ACIN1: variants seen among roughly 807,000 people sequenced by gnomAD.
ACIN1 encodes the protein apoptotic chromatin condensation inducer in the nucleus.
Under a neutral mutation model 146.6 loss-of-function variants are expected in ACIN1, and 16 were observed. That is an observed-to-expected ratio of 0.11 (90% CI 0.07 to 0.17). The LOEUF (loss-of-function observed/expected upper bound fraction) is 0.17. Among genes scored for constraint, ACIN1 ranks in the 10% least tolerant of loss-of-function variants. The pLI, the probability that ACIN1 is intolerant of heterozygous loss-of-function variation, is 1.00. For synonymous variants in ACIN1, 569 were observed against 582.7 expected, an observed-to-expected ratio of 0.98 and a Z score of 0.34; for missense variants, 1,357 against 1,609.3, an observed-to-expected ratio of 0.84 and a Z score of 2.68.
intron 14 of ACIN1, 50 bp from the exon 15 acceptor site, chr14:23,062,573 C>G: frequency 6.6e-7 from 1 of 1,516,922 alleles, no homozygotes; most frequent in Non-Finnish European, 9.2e-7. Flanking sequence ...AAGACCACCA[C>G]CCAATCTTTA....
At chr14:23,094,342 G>A (rs941370768) in intron 1 of ACIN1, among the ~76,000 whole-genome samples, 3 of 151,714 alleles carry the variant, frequency 2.0e-5, no homozygotes, top group Non-Finnish European at 2.9e-5. Context: ...TACTCAAACC[G>A]ATTCAAAATC....
At position 23,063,850 on chromosome 14, in the gene ACIN1, A is replaced by ACT. The variant is rs548858230; in HGVS notation, c.2595+253_2595+254dup. ...CCACATAGTTTGTTGCAACTACTCA[A>ACT]CTCTGGTGATGTTGTAGTGAACAAA... On this transcript the variant is annotated intron_variant, in intron 12 of 18. Transcript: ENST00000605057. Among the ~76,000 whole-genome samples the ACT allele has an allele frequency of 2.1e-4, 32 of 152,304 alleles. No homozygotes were observed. The East Asian group carries it at 4.6e-3, about 22-fold the overall frequency.
intron 8 of ACIN1, among the ~76,000 whole-genome samples, chr14:23,069,904 A>G (rs2047577791): frequency 6.6e-6 from 1 of 152,170 alleles, no homozygotes; most frequent in African/African-American, 2.4e-5. Context: ...ATTCTCAGGT[A>G]ATAACTCACC....
chr14:23,064,903 A>AAAAAAG (rs1402340261), intron 10 of ACIN1, among the ~76,000 whole-genome samples: 2 of 151,860 alleles, frequency 1.3e-5, no homozygotes, highest in Non-Finnish European at 2.9e-5. Context: ...TCTCAAAAAA[A>AAAAAAG]AAAAAAGAAA....
At chr14:23,088,077 C>T (rs952289610) in intron 4 of ACIN1, among the ~76,000 whole-genome samples, 2 of 152,220 alleles carry the variant, frequency 1.3e-5, no homozygotes, top group African/African-American at 2.4e-5. Flanking sequence ...TAATTGTTCT[C>T]TCTTCCTAAC....
At position 23,064,398 on chromosome 14, in the gene ACIN1, G is replaced by A. The variant is rs746362549; in HGVS notation, c.2399C>T (p.Thr800Ile). 6.2e-7 allele frequency: 1 copy of A among 1,614,132 alleles called. No homozygotes were observed. The highest frequency in any genetic ancestry group is 1.1e-5 in the South Asian group (1 of 91,092). The change falls in exon 11 of 19, where the codon ACA becomes ATA. Residue 800 changes from threonine (T) to isoleucine (I), a missense_variant. Around this residue, in one of 4 missense-constraint regions of ACIN1, gnomAD observed 509 missense variants for 719.6 expected, o/e 0.71. Coordinates refer to ENST00000605057, the MANE Select transcript of ACIN1 (RefSeq NM_001386863.1). Reference sequence around the variant, plus strand: ...GATACTGATGGAAGGTTTCTTCTGTGTGGTGGCTGTGCTGGCTCCCCAGCG... The same window carrying A: ...GATACTGATGGAAGGTTTCTTCTGTATGGTGGCTGTGCTGGCTCCCCAGCG... ...KRRWGASTAT[T>I]QKKPSISITT... is the part of the protein sequence containing the mutation.
intron 4 of ACIN1, 95 bp from the exon 5 acceptor site, chr14:23,081,931 G>A (rs1276416531): frequency 4.4e-6 from 4 of 904,492 alleles, no homozygotes; most frequent in Non-Finnish European, 6.8e-6. Context: ...ACCAATTATA[G>A]CATATGAGCC....
intron 8 of ACIN1, chr14:23,077,665 T>C (rs982370664): frequency 6.5e-6 from 1 of 152,990 alleles, no homozygotes; most frequent in African/African-American, 2.4e-5. Context: ...CTGTATGCTG[T>C]AAGAACTAGG....
chr14:23,066,205 T>C, intron 9 of ACIN1, 197 bp from the exon 10 acceptor site: 1 of 535,224 alleles, frequency 1.9e-6, no homozygotes, highest in Non-Finnish European at 3.3e-6. Context: ...GCAGAATCAA[T>C]GCAAGTTAGA....
At chr14:23,069,652 G>GGGGGGGGGGGGGCGGC in intron 8 of ACIN1, 35 bp from the exon 9 acceptor site, 5 of 577,966 alleles carry the variant, frequency 8.7e-6, no homozygotes, top group South Asian at 1.5e-5. Flanking sequence ...GGGGGGGCGG[G>GGGGGGGGGGGGGCGGC]CAGAAAAGAA....
chr14:23,077,958 G>A (rs1344797292), intron 8 of ACIN1, 193 bp downstream of exon 8: 7 of 435,758 alleles, frequency 1.6e-5, no homozygotes, highest in Middle Eastern at 5.6e-4. Flanking sequence ...GTGCCCTGAC[G>A]ACCACTTTTC....
In ACIN1 at chr14:23,058,847, C is replaced by CA. The variant is rs1566727366; in HGVS notation, c.*300dup. The CA allele has an allele frequency of 1.4e-5, 6 of 440,582 alleles. No homozygotes were observed. The East Asian group carries it at 1.5e-4, about 11-fold the overall frequency. 27.3% of individuals were successfully genotyped at this position (440,582 alleles called of 1,614,324 possible). Reference sequence around the variant, plus strand: ...GTGGTAAGCAGGATGGAGGAAAAATCAGAGGACTGGGGCACCTGGCTGTTC... The same window carrying CA: ...GTGGTAAGCAGGATGGAGGAAAAATCAAGAGGACTGGGGCACCTGGCTGTTC... On this transcript the variant is annotated 3_prime_UTR_variant, in exon 19 of 19. Transcript: ENST00000605057.
At chr14:23,095,243 C>T (rs374971157), upstream of ACIN1, 2 of 1,608,956 alleles carry the variant, frequency 1.2e-6, no homozygotes, top group South Asian at 1.1e-5. Flanking sequence ...ACTCAGAACT[C>T]CCCGGGTTCC....
intron 8 of ACIN1, chr14:23,071,522 G>A: frequency 6.4e-7 from 1 of 1,551,488 alleles, no homozygotes; most frequent in Non-Finnish European, 8.7e-7. Context: ...TGGCGGAGCG[G>A]CAGCGATCAG....
At chr14:23,095,319 A>C (rs760769388), upstream of ACIN1, 13 of 1,565,832 alleles carry the variant, frequency 8.3e-6, no homozygotes, top group African/African-American at 8.1e-5. Flanking sequence ...TCCGCCCTGC[A>C]GCGCCCCTTT....
At chr14:23,076,324 C>T (rs1278385165) in intron 8 of ACIN1, 1 of 152,170 alleles carries the variant, frequency 6.6e-6, no homozygotes, top group African/African-American at 2.4e-5. Flanking sequence ...CTGCATTTCC[C>T]TTCTATACAC....
At chr14:23,085,874 G>A (rs980636234) in intron 4 of ACIN1, among the ~76,000 whole-genome samples, 1 of 152,156 alleles carries the variant, frequency 6.6e-6, no homozygotes, top group Non-Finnish European at 1.5e-5. Flanking sequence ...TTCAGGATTC[G>A]AAAAACAAGT....
In ACIN1 at chr14:23,090,117, C is replaced by G; in HGVS notation, c.317-16G>C. 6.2e-7 allele frequency: 1 copy of G among 1,611,138 alleles called. No individual in the cohort carries two copies. Among genetic ancestry groups the G allele is most frequent in the Middle Eastern group, 1.7e-4 (1 of 6,038 alleles). ...GCTGAAGCTTCTGCAAAGTACAGAT[C>G]GGGTCGGGGCAGGGAGGGAGTGAAG... On this transcript the variant is annotated splice_polypyrimidine_tract_variant and intron_variant, in intron 3 of 18. Coordinates refer to ENST00000605057, the MANE Select transcript of ACIN1 (RefSeq NM_001386863.1).
At chr14:23,059,548 G>A in intron 18 of ACIN1, 74 bp from the exon 19 acceptor site, 1 of 1,206,794 alleles carries the variant, frequency 8.3e-7, no homozygotes, top group Non-Finnish European at 1.2e-6. Flanking sequence ...CCTGGACCCT[G>A]CCTCCTAGCT....
Sources: allele counts gnomAD v4.1 joint callset (sites outside exome capture counted in the v4.1 genomes callset), GRCh38; gene constraint gnomAD v4.1.1; regional missense constraint gnomAD v4.1.1; transcripts MANE v1.5; gene names NCBI Gene and HGNC (gene_info 2026-07-23, HGNC 2026-07-21).